Variants in NDNF observed in about 807,000 individuals in gnomAD.
NDNF encodes the protein protein NDNF.
In NDNF, 16 loss-of-function variants were observed where a neutral mutation model predicts 42.0. That is an observed-to-expected ratio of 0.38 (90% CI 0.26 to 0.58). The LOEUF is 0.58. Among genes scored for constraint, NDNF ranks in the 20% least tolerant of loss-of-function variants. The probability of loss-of-function intolerance (pLI) is 0.67; values close to 1 mark genes in which losing one functional copy is unlikely to be tolerated. For missense variants in NDNF, 616 were observed against 666.2 expected (o/e 0.92, Z 0.83); for synonymous variants, 248 against 251.7 (o/e 0.99, Z 0.14).
intron 1 of NDNF, among the ~76,000 whole-genome samples, chr4:121,058,821 T>A (rs150861151): frequency 2.6e-4 from 39 of 152,288 alleles, no homozygotes; most frequent in African/African-American, 9.1e-4. Context: ...CTCTCATTCA[T>A]TTTCTACAGT....
chr4:121,041,098 A>C (rs1726989828), intron 2 of NDNF, among the ~76,000 whole-genome samples: 1 of 152,246 alleles, frequency 6.6e-6, no homozygotes, highest in African/African-American at 2.4e-5. Context: ...ACAAAATTTA[A>C]AAAATCAAAT....
At position 121,052,131 on chromosome 4, in the gene NDNF, T is replaced by C. The variant is rs982255896; in HGVS notation, c.-1-6293A>G. Among the ~76,000 whole-genome samples, 5 of 152,204 alleles carry C rather than the reference T, an allele frequency of 3.3e-5. No individual in the cohort carries two copies. In the East Asian group the frequency reaches 5.8e-4, roughly 18 times the overall value. ...ATCACCAACAAGTTCTTTGCAGAAATGTATAAATGTAGTTGTGAAAAATGT... is the reference window on the plus strand; with the variant it reads ...ATCACCAACAAGTTCTTTGCAGAAACGTATAAATGTAGTTGTGAAAAATGT... On this transcript the variant is annotated intron_variant, in intron 1 of 3. Transcript: ENST00000379692.
intron 1 of NDNF, among the ~76,000 whole-genome samples, chr4:121,070,642 T>C (rs1187851225): frequency 6.6e-6 from 1 of 152,174 alleles, no homozygotes; most frequent in Non-Finnish European, 1.5e-5. Context: ...AAATAAACTC[T>C]TCTTTGTGAT....
intron 1 of NDNF, among the ~76,000 whole-genome samples, chr4:121,054,288 G>T (rs977985611): frequency 2.0e-5 from 3 of 152,130 alleles, no homozygotes; most frequent in African/African-American, 7.2e-5. Flanking sequence ...AAATGTACCT[G>T]CCCAGCCAAC....
chr4:121,036,360 A>G lies in NDNF; in HGVS notation c.1611T>C (p.Pro537=). Residue 537 remains proline (P), a synonymous_variant, in exon 4 of 4, where the codon CCT becomes CCC. Coordinates refer to ENST00000379692, the MANE Select transcript of NDNF (RefSeq NM_024574.4). ...VTTETIKGLQ[P]GKSYLLDVYV... is the part of the protein sequence containing the mutation. ...AAACATCCAGCAGGTAAGATTTGCC[A>G]GGCTGAAGACCTTTAATTGTTTCTG... 1 of 1,614,180 alleles carries G rather than the reference A, an allele frequency of 6.2e-7. No individual in the cohort carries two copies. Among genetic ancestry groups the G allele is most frequent in the Non-Finnish European group, 8.5e-7 (1 of 1,180,010 alleles).
rs75596922 is a variant in NDNF, at chr4:121,036,047, G to A, written c.*217C>T. 3.0e-3 allele frequency: 1,351 copies of A among 452,206 alleles called. 33 individuals are homozygous for A. The East Asian group carries it at 0.042, about 14-fold the overall frequency. 28.0% of individuals were successfully genotyped at this position (452,206 alleles called of 1,614,324 possible). On this transcript the variant is annotated 3_prime_UTR_variant, in exon 4 of 4. Transcript: ENST00000379692. ...AAGCCCTCTATCTTTGACACCAACC[G>A]GCATCAGACACACACTAGGTACCAT...
intron 1 of NDNF, chr4:121,061,252 T>C (rs1409051136): frequency 6.6e-6 from 1 of 152,580 alleles, no homozygotes; most frequent in Admixed American, 6.5e-5. Context: ...GAGAGCTTGT[T>C]TGGAGGTTCT....
chr4:121,068,848 G>T (rs922451089), intron 1 of NDNF, among the ~76,000 whole-genome samples: 2 of 152,166 alleles, frequency 1.3e-5, no homozygotes, highest in East Asian at 3.9e-4. Flanking sequence ...CTATGCTCTC[G>T]GTTGATTCAG....
intron 1 of NDNF, among the ~76,000 whole-genome samples, chr4:121,064,323 T>C (rs1457720933): frequency 6.6e-6 from 1 of 152,104 alleles, no homozygotes; most frequent in African/African-American, 2.4e-5. Flanking sequence ...CAAAGATATA[T>C]TATTATTATT....
At position 121,040,022 on chromosome 4, in the gene NDNF, G is replaced by A; in HGVS notation, c.221C>T (p.Pro74Leu). Residue 74 changes from proline to leucine, a missense_variant, in exon 3 of 4, where the codon CCA becomes CTA. By Grantham distance (98) the Pro-to-Leu change is moderately conservative. Transcript: ENST00000379692. ...YFFVVEEDNT[P>L]LSVTVTPCDA... ...ACAGGGCGTCACTGTGACTGATAATGGAGTATTGTCTTCTTCAACCACAAA... is the reference window on the plus strand; with the variant it reads ...ACAGGGCGTCACTGTGACTGATAATAGAGTATTGTCTTCTTCAACCACAAA... 1 of 1,613,826 alleles carries A rather than the reference G, an allele frequency of 6.2e-7. No individual in the cohort carries two copies. The highest frequency in any genetic ancestry group is 8.5e-7 in the Non-Finnish European group (1 of 1,179,862).
intron 1 of NDNF, among the ~76,000 whole-genome samples, chr4:121,065,399 A>G (rs548401080): frequency 6.6e-6 from 1 of 151,866 alleles, no homozygotes; most frequent in South Asian, 2.1e-4. Flanking sequence ...CAGAAGCTGA[A>G]TATCTGTTCA....
chr4:121,050,617 A>G (rs1268480766), intron 1 of NDNF, among the ~76,000 whole-genome samples: 1 of 152,212 alleles, frequency 6.6e-6, no homozygotes, highest in Non-Finnish European at 1.5e-5. Flanking sequence ...GTTGCACAGT[A>G]TCCACAACCC....
chr4:121,052,941 G>C (rs1486153228), intron 1 of NDNF, among the ~76,000 whole-genome samples: 2 of 152,144 alleles, frequency 1.3e-5, no homozygotes, highest in Admixed American at 6.5e-5. Flanking sequence ...GGAAGTAAAG[G>C]ATTCCTGGTC....
At chr4:121,042,738 G>A (rs1316064164) in intron 2 of NDNF, among the ~76,000 whole-genome samples, 3 of 152,116 alleles carry the variant, frequency 2.0e-5, no homozygotes, top group Non-Finnish European at 4.4e-5. Flanking sequence ...GTAAAAGAGT[G>A]TTCAAAACTT....
intron 1 of NDNF, chr4:121,071,737 A>AAAAC (rs57944355): frequency 0.23 from 33,560 of 145,358 alleles, 4,022 homozygotes; most frequent in Non-Finnish European, 0.26. Flanking sequence ...AGCTAAATTA[A>AAAAC]AAACAAACAA....
intron 2 of NDNF, among the ~76,000 whole-genome samples, chr4:121,043,890 A>C (rs2148764848): frequency 6.6e-6 from 1 of 152,364 alleles, no homozygotes; most frequent in East Asian, 1.9e-4. Flanking sequence ...GTTAATAGTT[A>C]AGATTAACTT....
At chr4:121,042,515 T>C (rs1204457054) in intron 2 of NDNF, among the ~76,000 whole-genome samples, 1 of 152,204 alleles carries the variant, frequency 6.6e-6, no homozygotes, top group African/African-American at 2.4e-5. Flanking sequence ...AAATAGATGA[T>C]TGAATTGTTT....
At chr4:121,066,346 T>TATA (rs1289706308) in intron 1 of NDNF, among the ~76,000 whole-genome samples, 1 of 152,150 alleles carries the variant, frequency 6.6e-6, no homozygotes, top group East Asian at 1.9e-4. Flanking sequence ...CTCTCTTCAA[T>TATA]TACAGGATCC....
intron 1 of NDNF, among the ~76,000 whole-genome samples, chr4:121,070,936 G>A (rs1422590491): frequency 6.6e-6 from 1 of 152,206 alleles, no homozygotes; most frequent in Admixed American, 6.5e-5. Context: ...CAAACTCCGA[G>A]GAGCTGATGC....
Sources: gnomAD v4.1 joint callset for allele counts (sites outside exome capture counted in the v4.1 genomes callset) on GRCh38, gnomAD v4.1.1 for gene constraint, MANE v1.5 for transcripts, NCBI Gene and HGNC (gene_info 2026-07-23, HGNC 2026-07-21) for gene names.